Variants in LPP observed in about 807,000 individuals in gnomAD.
LPP encodes LIM domain containing preferred translocation partner in lipoma, also known as lipoma-preferred partner.
LPP carries 38 observed loss-of-function variants against 60.4 expected under a neutral mutation model. The observed-to-expected ratio is 0.63, with a 90% CI of 0.49 to 0.83. The LOEUF (loss-of-function observed/expected upper bound fraction) is 0.83. LPP is among the 40% of genes least tolerant of loss of function. The pLI, the probability that LPP is intolerant of heterozygous loss-of-function variation, is 0.00. For synonymous variants in LPP, 328 were observed against 290.8 expected, an observed-to-expected ratio of 1.13 and a Z score of -1.30; for missense variants, 902 against 783.6, an observed-to-expected ratio of 1.15 and a Z score of -1.80.
chr3:188,577,733 C>CTTCCTTCCTTCG (rs1834973241), intron 6 of LPP, among the ~76,000 whole-genome samples: 1 of 133,634 alleles, frequency 7.5e-6, no homozygotes, highest in African/African-American at 2.8e-5. Context: ...CTTTGGTTTC[C>CTTCCTTCCTTCG]TTCCTTCCTT....
At chr3:188,482,675 A>G (rs1805147424) in intron 4 of LPP, among the ~76,000 whole-genome samples, 1 of 152,208 alleles carries the variant, frequency 6.6e-6, no homozygotes, top group African/African-American at 2.4e-5. Context: ...TATTTAACCA[A>G]TGTTTAAAAC....
chr3:188,626,426 T>C (rs1480473272), intron 7 of LPP, among the ~76,000 whole-genome samples: 1 of 152,204 alleles, frequency 6.6e-6, no homozygotes, highest in Non-Finnish European at 1.5e-5. Flanking sequence ...GTTTGGCATC[T>C]GCATGGAGTC....
intron 9 of LPP, among the ~76,000 whole-genome samples, chr3:188,824,531 G>A (rs114893684): frequency 0.012 from 1,814 of 152,226 alleles, 38 homozygotes; most frequent in African/African-American, 0.041. Context: ...TGACAGCTCC[G>A]TGTAGGGCAC....
chr3:188,821,220 A>C (rs527942385), intron 9 of LPP, among the ~76,000 whole-genome samples: 1 of 151,446 alleles, frequency 6.6e-6, no homozygotes, highest in Non-Finnish European at 1.5e-5. Context: ...AGTAATGCAC[A>C]TAGTTAAAAA....
chr3:188,491,961 G>T (rs1808500701), intron 5 of LPP, among the ~76,000 whole-genome samples: 1 of 152,154 alleles, frequency 6.6e-6, no homozygotes, highest in Middle Eastern at 3.4e-3. Context: ...GATTGATAGT[G>T]GAGTATGTGT....
intron 9 of LPP, among the ~76,000 whole-genome samples, chr3:188,774,341 C>G (rs1737033237): frequency 6.6e-6 from 1 of 152,074 alleles, no homozygotes; most frequent in Non-Finnish European, 1.5e-5. Context: ...AATCTTTTGC[C>G]TTTGTTTTAA....
intron 11 of LPP, among the ~76,000 whole-genome samples, chr3:188,873,808 C>T (rs979026958): frequency 1.3e-5 from 2 of 152,138 alleles, no homozygotes; most frequent in African/African-American, 4.8e-5. Context: ...TCCCCACAAA[C>T]TTTAGGATTT....
intron 1 of LPP, among the ~76,000 whole-genome samples, chr3:188,205,289 T>C (rs1577283503): frequency 6.9e-6 from 1 of 145,960 alleles, no homozygotes; most frequent in East Asian, 2.0e-4. Flanking sequence ...TTTTTTTTTT[T>C]TTTTTTTTTT....
At chr3:188,428,597 T>TA (rs1553895830) in intron 4 of LPP, among the ~76,000 whole-genome samples, 48,355 of 108,542 alleles carry the variant, frequency 0.45, 8,672 homozygotes, top group African/African-American at 0.55. Flanking sequence ...TATATATATA[T>TA]TTTTTTTTTT....
intron 3 of LPP, among the ~76,000 whole-genome samples, chr3:188,350,017 C>T (rs905547102): frequency 2.0e-4 from 30 of 152,174 alleles, no homozygotes; most frequent in African/African-American, 7.2e-4. Context: ...TTGGAGGTGG[C>T]TGAAACCATT....
At chr3:188,298,240 A>G (rs1414419935) in intron 2 of LPP, among the ~76,000 whole-genome samples, 1 of 152,022 alleles carries the variant, frequency 6.6e-6, no homozygotes, top group African/African-American at 2.4e-5. Context: ...GACAGATCAC[A>G]CTTCTCTTTT....
At chr3:188,794,317 A>G (rs920561223) in intron 9 of LPP, among the ~76,000 whole-genome samples, 1 of 152,244 alleles carries the variant, frequency 6.6e-6, no homozygotes, top group African/African-American at 2.4e-5. Flanking sequence ...TTAATAATAA[A>G]TATTACGTAA....
intron 1 of LPP, among the ~76,000 whole-genome samples, chr3:188,169,428 A>G (rs574365613): frequency 6.6e-6 from 1 of 152,340 alleles, no homozygotes; most frequent in African/African-American, 2.4e-5. Flanking sequence ...CCAGTGTGAA[A>G]GCTGCAAAGT....
chr3:188,409,366 C>A (rs1311864989), intron 4 of LPP, among the ~76,000 whole-genome samples: 2 of 152,070 alleles, frequency 1.3e-5, no homozygotes, highest in Non-Finnish European at 2.9e-5. Flanking sequence ...GACATTCAGA[C>A]TTTTTAAAAT....
At chr3:188,862,753 GAAAGAAAGAA>G (rs1765566372) in intron 9 of LPP, among the ~76,000 whole-genome samples, 3 of 112,900 alleles carry the variant, frequency 2.7e-5, no homozygotes, top group Non-Finnish European at 5.3e-5. Context: ...AAAAAGAAAA[GAAAGAAAGAA>G]AAAGAAAGAG....
At chr3:188,378,479 A>G (rs1775887030) in intron 3 of LPP, among the ~76,000 whole-genome samples, 2 of 152,166 alleles carry the variant, frequency 1.3e-5, no homozygotes, top group Non-Finnish European at 2.9e-5. Context: ...GCTAGCAATG[A>G]GTGAGACTCC....
intron 2 of LPP, among the ~76,000 whole-genome samples, chr3:188,311,864 C>T (rs1034470507): frequency 3.3e-5 from 5 of 152,046 alleles, no homozygotes; most frequent in South Asian, 2.1e-4. Context: ...GTCTCGAACT[C>T]CTGAGCTCAG....
At chr3:188,549,260 A>C (rs1303036484) in intron 6 of LPP, among the ~76,000 whole-genome samples, 1 of 152,112 alleles carries the variant, frequency 6.6e-6, no homozygotes, top group Non-Finnish European at 1.5e-5. Flanking sequence ...GGCCTGGAAA[A>C]TATTAAGTTA....
chr3:188,524,685 A>C lies in LPP; in HGVS notation c.327A>C (p.Thr109=), dbSNP rs771843077. Residue 109 remains threonine (T), a synonymous_variant, in exon 6 of 12, where the codon ACA becomes ACC. Transcript: ENST00000617246. ...FKVQGNPGGK[T]LEERRSSLDA... Reference sequence around the variant, plus strand: ...AACAGGGGAATCCCGGAGGCAAGACACTTGAGGAGAGGCGCTCCAGCCTGG... The same window carrying C: ...AACAGGGGAATCCCGGAGGCAAGACCCTTGAGGAGAGGCGCTCCAGCCTGG... 1 of 1,613,798 alleles carries C rather than the reference A, an allele frequency of 6.2e-7. No individual in the cohort carries two copies. Among genetic ancestry groups the C allele is most frequent in the African/African-American group, 1.3e-5 (1 of 74,926 alleles).
Sources: gnomAD v4.1 joint callset for allele counts (sites outside exome capture counted in the v4.1 genomes callset) on GRCh38, gnomAD v4.1.1 for gene constraint, MANE v1.5 for transcripts, NCBI Gene and HGNC (gene_info 2026-07-23, HGNC 2026-07-21) for gene names.